The following FOXO3 variants were observed in gnomAD, a reference collection of about 807,000 sequenced individuals.
FOXO3 encodes the protein forkhead box protein O3.
FOXO3 carries 4 observed loss-of-function variants against 41.9 expected under a neutral mutation model. That is an observed-to-expected ratio of 0.10 (90% CI 0.05 to 0.22). The LOEUF (loss-of-function observed/expected upper bound fraction) is 0.22, where lower values mean the gene tolerates loss of function less well. Ranked by LOEUF, FOXO3 falls within the 10% of genes least tolerant of loss-of-function variation. The pLI, the probability that FOXO3 is intolerant of heterozygous loss-of-function variation, is 1.00. For missense variants in FOXO3, 534 were observed against 906.8 expected (o/e 0.59, Z 5.28); for synonymous variants, 318 against 389.3 (o/e 0.82, Z 2.16).
chr6:108,632,023 G>A (rs561680765), intron 1 of FOXO3, among the ~76,000 whole-genome samples: 2 of 151,978 alleles, frequency 1.3e-5, no homozygotes, highest in East Asian at 1.9e-4. Context: ...TTCCTCTATC[G>A]CCTGAATTTC....
chr6:108,645,209 C>T (rs139288406), intron 1 of FOXO3, among the ~76,000 whole-genome samples: 1 of 152,120 alleles, frequency 6.6e-6, no homozygotes, highest in African/African-American at 2.4e-5. Flanking sequence ...TAAACTTAAC[C>T]AAGTTACAAT....
chr6:108,604,192 G>T (rs543239037), intron 1 of FOXO3, among the ~76,000 whole-genome samples: 13 of 152,156 alleles, frequency 8.5e-5, no homozygotes, highest in African/African-American at 3.1e-4. Flanking sequence ...AAATAATCAA[G>T]ATTTTTATGT....
intron 1 of FOXO3, among the ~76,000 whole-genome samples, chr6:108,586,795 G>A (rs947164018): frequency 6.6e-6 from 1 of 151,998 alleles, no homozygotes; most frequent in Non-Finnish European, 1.5e-5. Context: ...CAGTGTATTG[G>A]TGTACTCGAC....
At chr6:108,633,590 C>G (rs1043505978) in intron 1 of FOXO3, among the ~76,000 whole-genome samples, 3 of 152,108 alleles carry the variant, frequency 2.0e-5, no homozygotes, top group African/African-American at 7.2e-5. Context: ...ACATGAAGGT[C>G]AAATACTTAG....
At chr6:108,577,685 C>T (rs1335408860) in intron 1 of FOXO3, among the ~76,000 whole-genome samples, 2 of 152,124 alleles carry the variant, frequency 1.3e-5, no homozygotes, top group Non-Finnish European at 2.9e-5. Context: ...GGATTGAGTG[C>T]CTCTATTTTA....
intron 2 of FOXO3, among the ~76,000 whole-genome samples, chr6:108,667,008 A>G (rs1779082930): frequency 6.6e-6 from 1 of 152,198 alleles, no homozygotes; most frequent in African/African-American, 2.4e-5. Flanking sequence ...GCCATGATGA[A>G]GGACTTAACA....
intron 1 of FOXO3, among the ~76,000 whole-genome samples, chr6:108,565,484 G>C (rs1235093777): frequency 1.3e-5 from 2 of 152,126 alleles, no homozygotes; most frequent in Admixed American, 6.5e-5. Context: ...AGGACGCCAG[G>C]GCTTACCTGG....
rs886227570 is a variant in FOXO3, at chr6:108,682,321, A to C, written c.*2529A>C. 9 of 152,662 alleles carry C rather than the reference A, an allele frequency of 5.9e-5. No homozygotes were observed. Among genetic ancestry groups the C allele is most frequent in the African/African-American group, 2.2e-4 (9 of 41,466 alleles). 9.5% of individuals were successfully genotyped at this position (152,662 alleles called of 1,614,324 possible). A position where few individuals can be genotyped will look rare whatever the true frequency, so the allele number is the denominator to read the frequency against. On this transcript the variant is annotated 3_prime_UTR_variant, in exon 3 of 3. Coordinates refer to ENST00000406360, the MANE Select transcript of FOXO3 (RefSeq NM_001455.4). ...GAAACAGCTGAGGAAGGGACAGAGA[A>C]GGTACAAGGGCAAGGCAGCACAAAA...
chr6:108,629,579 G>C (rs1238027562), intron 1 of FOXO3, among the ~76,000 whole-genome samples: 1 of 152,104 alleles, frequency 6.6e-6, no homozygotes, highest in African/African-American at 2.4e-5. Flanking sequence ...TTTCAGAAAG[G>C]ATTAGGAGCA....
In FOXO3 at chr6:108,625,671, CTT is replaced by C. The variant is rs1441174872; in HGVS notation, c.622-37783_622-37782del. Among the ~76,000 whole-genome samples, 8 of 152,286 alleles carry C rather than the reference CTT, an allele frequency of 5.3e-5. No homozygotes were observed. In the East Asian group the frequency reaches 1.5e-3, roughly 29 times the overall value. On this transcript the variant is annotated intron_variant, in intron 1 of 2. Transcript: ENST00000406360. ...GTCAGTGTTCTCTGGAAAGACCTCT[CTT>C]GGAAGGATGCTGTGATGTGGAGTCA...
At chr6:108,615,945 G>A (rs1197009730) in intron 1 of FOXO3, among the ~76,000 whole-genome samples, 1 of 151,158 alleles carries the variant, frequency 6.6e-6, no homozygotes, top group East Asian at 1.9e-4. Context: ...CCAATTTCCT[G>A]CCTTTTTTCC....
intron 1 of FOXO3, among the ~76,000 whole-genome samples, chr6:108,571,877 A>G (rs565990313): frequency 2.6e-5 from 4 of 152,360 alleles, no homozygotes; most frequent in South Asian, 4.1e-4. Context: ...ATGGAGAAGA[A>G]TAAAAAGACT....
At chr6:108,582,823 C>G (rs1215965742) in intron 1 of FOXO3, among the ~76,000 whole-genome samples, 2 of 152,188 alleles carry the variant, frequency 1.3e-5, no homozygotes, top group East Asian at 3.9e-4. Context: ...TAACTGCCTT[C>G]CATGTGACTC....
intron 1 of FOXO3, among the ~76,000 whole-genome samples, chr6:108,625,527 T>A (rs1412441551): frequency 6.6e-6 from 1 of 152,228 alleles, no homozygotes; most frequent in Admixed American, 6.5e-5. Flanking sequence ...ATCAATAAAT[T>A]TTAACTTTTA....
chr6:108,666,218 A>T (rs1287989748), intron 2 of FOXO3, among the ~76,000 whole-genome samples: 1 of 152,196 alleles, frequency 6.6e-6, no homozygotes, highest in Non-Finnish European at 1.5e-5. Flanking sequence ...AAACTGCAGT[A>T]GGCTGAAATA....
At chr6:108,630,052 C>T (rs1196615494) in intron 1 of FOXO3, among the ~76,000 whole-genome samples, 1 of 152,148 alleles carries the variant, frequency 6.6e-6, no homozygotes, top group Non-Finnish European at 1.5e-5. Flanking sequence ...GGTCTAAACT[C>T]TATGTTGCTC....
Position 108,561,471 on chromosome 6 carries a change from T to C in FOXO3, c.263T>C (p.Leu88Pro). 1 of 1,528,030 alleles carries C rather than the reference T, an allele frequency of 6.5e-7. No individual in the cohort carries two copies. The highest frequency in any genetic ancestry group is 2.5e-5 in the East Asian group (1 of 39,736). The allele number at this position is 1,528,030 out of a possible 1,614,324, so 94.7% of individuals were successfully genotyped here. A position where few individuals can be genotyped will look rare whatever the true frequency, so the allele number is the denominator to read the frequency against. ...GGCGGCGGCGGCGGGAGCGGCACGC[T>C]GGGCTCCGGGCTGCTCCTTGAGGAC... The part of the protein sequence containing the change: ...AIGGGGGSGT[L>P]GSGLLLEDSA... The change falls in exon 1 of 3, where the codon CTG becomes CCG. Residue 88 changes from leucine (L) to proline (P), a missense_variant. By Grantham distance (98) the Leu-to-Pro change is moderately conservative. Transcript: ENST00000406360.
chr6:108,615,012 A>T (rs182243871), intron 1 of FOXO3, among the ~76,000 whole-genome samples: 1 of 152,144 alleles, frequency 6.6e-6, no homozygotes, highest in East Asian at 1.9e-4. Flanking sequence ...CTTTACATGG[A>T]GTATAAAATC....
At chr6:108,570,392 C>T (rs1306408254) in intron 1 of FOXO3, among the ~76,000 whole-genome samples, 1 of 152,180 alleles carries the variant, frequency 6.6e-6, no homozygotes, top group African/African-American at 2.4e-5. Flanking sequence ...TAGCTCTCCA[C>T]AGCTTCAAAC....
Sources: gnomAD v4.1 joint callset for allele counts (sites outside exome capture counted in the v4.1 genomes callset) on GRCh38, gnomAD v4.1.1 for gene constraint, MANE v1.5 for transcripts, NCBI Gene and HGNC (gene_info 2026-07-23, HGNC 2026-07-21) for gene names.